The following HS3ST5 variants were observed in gnomAD, a reference collection of about 807,000 sequenced individuals.
HS3ST5 encodes the protein heparan sulfate-glucosamine 3-sulfotransferase 5.
HS3ST5 carries 10 observed loss-of-function variants against 25.4 expected under a neutral mutation model. The observed-to-expected ratio is 0.39, with a 90% CI of 0.24 to 0.67. The LOEUF is 0.67. Ranked by LOEUF, HS3ST5 falls within the 30% of genes least tolerant of loss-of-function variation. HS3ST5 has a pLI of 0.44. For missense variants in HS3ST5, 324 were observed against 420.7 expected (o/e 0.77, Z 2.01); for synonymous variants, 170 against 162.4 (o/e 1.05, Z -0.36).
intron 3 of HS3ST5, among the ~76,000 whole-genome samples, chr6:114,146,337 A>T (rs1282252950): frequency 6.6e-6 from 1 of 152,212 alleles, no homozygotes; most frequent in African/African-American, 2.4e-5. Flanking sequence ...ACCTAAATTG[A>T]CTAAGTTCTG....
At chr6:114,333,374 G>C (rs1372752046) in intron 1 of HS3ST5, among the ~76,000 whole-genome samples, 1 of 152,190 alleles carries the variant, frequency 6.6e-6, no homozygotes, top group Non-Finnish European at 1.5e-5. Context: ...AAGTATTTGA[G>C]AAGAGGTAAC....
chr6:114,300,846 T>G (rs1270207703), intron 1 of HS3ST5, among the ~76,000 whole-genome samples: 1 of 152,194 alleles, frequency 6.6e-6, no homozygotes, highest in Non-Finnish European at 1.5e-5. Flanking sequence ...TGATGCATGC[T>G]ATAACAAGGG....
chr6:114,275,353 T>C (rs1773806049), intron 1 of HS3ST5, among the ~76,000 whole-genome samples: 1 of 152,064 alleles, frequency 6.6e-6, no homozygotes, highest in African/African-American at 2.4e-5. Context: ...ACATTGTCCC[T>C]TTGTGCCAAG....
intron 2 of HS3ST5, among the ~76,000 whole-genome samples, chr6:114,215,574 G>C (rs1238460479): frequency 2.6e-5 from 4 of 151,952 alleles, no homozygotes; most frequent in Non-Finnish European, 5.9e-5. Flanking sequence ...AGAATCCTCA[G>C]CTGACAGTTC....
intron 3 of HS3ST5, among the ~76,000 whole-genome samples, chr6:114,108,739 G>T (rs1218087275): frequency 6.6e-6 from 1 of 152,190 alleles, no homozygotes; most frequent in Non-Finnish European, 1.5e-5. Context: ...ATTTTAGGGG[G>T]AAAGGGTGAT....
chr6:114,226,165 T>C (rs113868496), intron 2 of HS3ST5, among the ~76,000 whole-genome samples: 33 of 151,926 alleles, frequency 2.2e-4, no homozygotes, highest in African/African-American at 7.7e-4. Flanking sequence ...ATGGAACTAT[T>C]ATAGTTAGAG....
chr6:114,122,597 T>A (rs558131311), intron 3 of HS3ST5, among the ~76,000 whole-genome samples: 1 of 152,342 alleles, frequency 6.6e-6, no homozygotes, highest in East Asian at 1.9e-4. Flanking sequence ...TTCATAGCAA[T>A]CCTTGTTAAT....
chr6:114,169,889 G>A (rs182143453), intron 2 of HS3ST5, among the ~76,000 whole-genome samples: 2 of 152,132 alleles, frequency 1.3e-5, no homozygotes, highest in Non-Finnish European at 2.9e-5. Flanking sequence ...AACAAAACAT[G>A]CAAACTTGCC....
intron 1 of HS3ST5, among the ~76,000 whole-genome samples, chr6:114,235,150 C>T (rs543607079): frequency 6.6e-6 from 1 of 151,930 alleles, no homozygotes; most frequent in South Asian, 2.1e-4. Context: ...AACAAAAGCC[C>T]CCAAAAGAAA....
intron 1 of HS3ST5, among the ~76,000 whole-genome samples, chr6:114,255,424 G>C (rs750843729): frequency 3.3e-5 from 5 of 152,056 alleles, no homozygotes; most frequent in African/African-American, 1.2e-4. Flanking sequence ...CCAGGTGCAC[G>C]GTCAGCTGTT....
intron 3 of HS3ST5, among the ~76,000 whole-genome samples, chr6:114,152,809 A>G (rs1778522188): frequency 6.6e-6 from 1 of 152,190 alleles, no homozygotes. Flanking sequence ...GGGATGTAAA[A>G]GTTCAGCACC....
chr6:114,182,246 G>A (rs1780007638), intron 2 of HS3ST5, among the ~76,000 whole-genome samples: 1 of 152,178 alleles, frequency 6.6e-6, no homozygotes, highest in Middle Eastern at 3.4e-3. Context: ...GCTGCTATCA[G>A]GTTCCACATT....
At chr6:114,133,085 C>T (rs1047827905) in intron 3 of HS3ST5, among the ~76,000 whole-genome samples, 1 of 152,120 alleles carries the variant, frequency 6.6e-6, no homozygotes, top group Admixed American at 6.6e-5. Flanking sequence ...TGTCACCTCC[C>T]TCTCCATTTC....
At chr6:114,142,169 C>T (rs1321625863) in intron 3 of HS3ST5, among the ~76,000 whole-genome samples, 2 of 152,058 alleles carry the variant, frequency 1.3e-5, no homozygotes, top group Non-Finnish European at 2.9e-5. Flanking sequence ...CTTGGAGCAT[C>T]ACTGTCTGAT....
At chr6:114,105,202 C>G (rs566366467) in intron 3 of HS3ST5, among the ~76,000 whole-genome samples, 3 of 152,298 alleles carry the variant, frequency 2.0e-5, no homozygotes, top group African/African-American at 7.2e-5. Context: ...CTATGGACAG[C>G]TTCAGGAGCG....
intron 3 of HS3ST5, among the ~76,000 whole-genome samples, chr6:114,064,196 G>A (rs560764191): frequency 6.6e-5 from 10 of 152,330 alleles, no homozygotes; most frequent in African/African-American, 1.9e-4. Context: ...GTATTGCTAT[G>A]TGAAGTTTTT....
intron 2 of HS3ST5, among the ~76,000 whole-genome samples, chr6:114,198,808 A>T (rs1356724): frequency 0.21 from 32,562 of 151,808 alleles, 3,534 homozygotes; most frequent in East Asian, 0.26. Context: ...TTTTTTTTTT[A>T]ATAAATGCAT....
chr6:114,211,556 T>A (rs1175926401), intron 2 of HS3ST5, among the ~76,000 whole-genome samples: 1 of 152,226 alleles, frequency 6.6e-6, no homozygotes, highest in East Asian at 1.9e-4. Flanking sequence ...CTTTAGGAAT[T>A]TTTTATGAGA....
At chr6:114,292,388 G>C (rs977665813) in intron 1 of HS3ST5, among the ~76,000 whole-genome samples, 2 of 152,146 alleles carry the variant, frequency 1.3e-5, no homozygotes, top group Non-Finnish European at 2.9e-5. Flanking sequence ...AGAAGAATGA[G>C]AGAATCCACT....
Sources: gnomAD v4.1 joint callset for allele counts (sites outside exome capture counted in the v4.1 genomes callset) on GRCh38, gnomAD v4.1.1 for gene constraint, MANE v1.5 for transcripts, NCBI Gene and HGNC (gene_info 2026-07-23, HGNC 2026-07-21) for gene names.